The following BANF2 variants were observed in gnomAD, a reference collection of about 807,000 sequenced individuals.
The protein encoded by BANF2 is barrier-to-autointegration factor-like protein.
A neutral mutation model predicts 8.0 loss-of-function variants in BANF2; 4 were observed. The observed-to-expected ratio is 0.50, with a 90% CI of 0.25 to 1.14. BANF2 has a LOEUF of 1.14. BANF2 is among the 50% of genes most tolerant of loss of function. The pLI is 0.16. For missense variants in BANF2, 96 were observed against 107.5 expected, an observed-to-expected ratio of 0.89 and a Z score of 0.47; for synonymous variants, 50 against 40.6, an observed-to-expected ratio of 1.23 and a Z score of -0.88.
At chr20:17,720,651 G>T (rs1263844029) in intron 1 of BANF2, among the ~76,000 whole-genome samples, 1 of 152,210 alleles carries the variant, frequency 6.6e-6, no homozygotes, top group East Asian at 1.9e-4. Context: ...AGGGGTTGCA[G>T]GGAAAGATGG....
intron 1 of BANF2, among the ~76,000 whole-genome samples, chr20:17,714,686 TG>T (rs923282682): frequency 4.6e-5 from 7 of 151,754 alleles, no homozygotes; most frequent in Admixed American, 2.0e-4. Context: ...TTTTTTTTTT[TG>T]AAAAAATGGG....
intron 1 of BANF2, among the ~76,000 whole-genome samples, chr20:17,716,806 C>T (rs748755761): frequency 8.5e-6 from 1 of 117,440 alleles, no homozygotes; most frequent in Non-Finnish European, 1.6e-5. Flanking sequence ...TGTGCCACTG[C>T]ACTTCAGCTT....
intron 3 of BANF2, among the ~76,000 whole-genome samples, chr20:17,728,291 T>C (rs2037839592): frequency 6.6e-6 from 1 of 152,120 alleles, no homozygotes; most frequent in Admixed American, 6.5e-5. Flanking sequence ...TTCTGCACCC[T>C]CTCTGTGCAC....
chr20:17,697,918 T>C (rs998259250), upstream of BANF2, among the ~76,000 whole-genome samples: 1 of 151,976 alleles, frequency 6.6e-6, no homozygotes, highest in Admixed American at 6.6e-5. Context: ...AAGTGTGTGG[T>C]ACCCGGCCGG....
At chr20:17,705,649 G>T (rs2037471540) in intron 1 of BANF2, among the ~76,000 whole-genome samples, 1 of 152,240 alleles carries the variant, frequency 6.6e-6, no homozygotes. Context: ...AGAATGGGGG[G>T]AGGCCTAGGG....
chr20:17,728,003 A>T (rs1036309410), intron 3 of BANF2, among the ~76,000 whole-genome samples: 2 of 152,152 alleles, frequency 1.3e-5, no homozygotes, highest in Non-Finnish European at 1.5e-5. Context: ...CTGGGATTAC[A>T]GGCATGAGCC....
Position 17,722,828 on chromosome 20 carries a change from A to C in BANF2, c.-54A>C. On this transcript the variant is annotated 5_prime_UTR_variant, in exon 2 of 4. Transcript: ENST00000246090. ...TCAGTGTCTTCTGAAATGTTACAAA[A>C]CGTCCTTCAGAGCAAGAAGGCGTAC... is the stretch of plus-strand genomic sequence containing the variant. 1 of 985,278 alleles carries C rather than the reference A, an allele frequency of 1.0e-6. No homozygotes were observed. 61.0% of individuals were successfully genotyped at this position (985,278 alleles called of 1,614,324 possible).
chr20:17,719,884 C>G (rs1392083693), intron 1 of BANF2, among the ~76,000 whole-genome samples: 1 of 152,114 alleles, frequency 6.6e-6, no homozygotes, highest in Non-Finnish European at 1.5e-5. Context: ...GCTGCAGATC[C>G]CCCCGCAAAG....
At chr20:17,735,524 G>C in intron 3 of BANF2, 141 bp from the exon 4 acceptor site, 1 of 979,040 alleles carries the variant, frequency 1.0e-6, no homozygotes, top group Non-Finnish European at 1.5e-6. Context: ...GGGCTTCAAG[G>C]ACTGACAGGC....
intron 1 of BANF2, among the ~76,000 whole-genome samples, chr20:17,702,189 GTCT>G (rs2037419034): frequency 6.6e-6 from 1 of 152,160 alleles, no homozygotes; most frequent in Admixed American, 6.5e-5. Flanking sequence ...AGGAAGCAGG[GTCT>G]CCTTTCTTAG....
intron 1 of BANF2, among the ~76,000 whole-genome samples, chr20:17,703,979 C>G (rs1161053769): frequency 6.6e-6 from 1 of 152,156 alleles, no homozygotes; most frequent in African/African-American, 2.4e-5. Context: ...AACTCCTGAC[C>G]TCAGGCCTCT....
At chr20:17,732,263 C>T (rs1340656593) in intron 3 of BANF2, among the ~76,000 whole-genome samples, 13 of 152,202 alleles carry the variant, frequency 8.5e-5, no homozygotes, top group South Asian at 4.1e-4. Flanking sequence ...AAGTGGGCAC[C>T]GCAAACTGGA....
At chr20:17,706,331 C>T (rs993686705) in intron 1 of BANF2, among the ~76,000 whole-genome samples, 6 of 152,188 alleles carry the variant, frequency 3.9e-5, no homozygotes, top group African/African-American at 1.4e-4. Flanking sequence ...CATTCTAAGC[C>T]ACTCAGTGAC....
At chr20:17,731,792 C>T (rs548431196) in intron 3 of BANF2, among the ~76,000 whole-genome samples, 12 of 144,824 alleles carry the variant, frequency 8.3e-5, no homozygotes, top group Non-Finnish European at 1.3e-4. Flanking sequence ...GTAGGCCAGG[C>T]GTGATGGCTC....
At chr20:17,713,281 G>GAT (rs973530074) in intron 1 of BANF2, among the ~76,000 whole-genome samples, 6 of 151,770 alleles carry the variant, frequency 4.0e-5, no homozygotes, top group African/African-American at 1.5e-4. Flanking sequence ...GAGAGAGAGA[G>GAT]ATCCTGTTGC....
intron 3 of BANF2, among the ~76,000 whole-genome samples, chr20:17,732,633 G>A (rs1445061828): frequency 6.6e-6 from 1 of 152,202 alleles, no homozygotes; most frequent in Admixed American, 6.5e-5. Context: ...TGGGATTACA[G>A]GAGTGAGCCA....
chr20:17,718,085 A>G (rs1016111475), intron 1 of BANF2, among the ~76,000 whole-genome samples: 2 of 152,274 alleles, frequency 1.3e-5, no homozygotes, highest in Non-Finnish European at 2.9e-5. Flanking sequence ...ATGTTCATGT[A>G]GCAATCTGTT....
At chr20:17,729,413 G>T (rs935896312) in intron 3 of BANF2, among the ~76,000 whole-genome samples, 1 of 152,130 alleles carries the variant, frequency 6.6e-6, no homozygotes, top group African/African-American at 2.4e-5. Flanking sequence ...TGGGTTTTTG[G>T]TGGGTGCCCC....
rs186248101 is a variant in BANF2 at position 17,725,090 on chromosome 20, G to A, written c.65G>A (p.Cys22Tyr). The part of the protein sequence containing the change: ...LSEPIGEKDV[C>Y]WVDGISHELA... ...GAACCCATTGGAGAAAAGGATGTCT[G>A]CTGGGTGGATGGCATCAGCCATGAG... is the stretch of plus-strand genomic sequence containing the variant. Residue 22 changes from cysteine (C) to tyrosine (Y), a missense_variant, in exon 3 of 4, where the codon TGC becomes TAC. By Grantham distance (194) the Cys-to-Tyr change is radical (BLOSUM62 -2). Transcript: ENST00000246090. 1 of 1,611,406 alleles carries A rather than the reference G, an allele frequency of 6.2e-7. No individual in the cohort carries two copies.
Sources: gnomAD v4.1 joint callset for allele counts (sites outside exome capture counted in the v4.1 genomes callset) on GRCh38, gnomAD v4.1.1 for gene constraint, MANE v1.5 for transcripts, NCBI Gene and HGNC (gene_info 2026-07-23, HGNC 2026-07-21) for gene names.